The following CDH9 variants were observed in gnomAD, a reference collection of about 807,000 sequenced individuals.
The protein encoded by CDH9 is cadherin 9.
Under a neutral mutation model 70.9 loss-of-function variants are expected in CDH9, and 28 were observed. That is an observed-to-expected ratio of 0.40 (90% confidence interval 0.29 to 0.54). The LOEUF is 0.54. CDH9 is among the 20% of genes least tolerant of loss of function. CDH9 has a pLI of 0.59. For missense variants in CDH9, 874 were observed against 984.4 expected (o/e 0.89, Z 1.50); for synonymous variants, 409 against 343.1 (o/e 1.19, Z -2.12).
At chr5:27,010,458 A>G (rs1160871232) in intron 1 of CDH9, among the ~76,000 whole-genome samples, 1 of 152,076 alleles carries the variant, frequency 6.6e-6, no homozygotes, top group East Asian at 1.9e-4. Context: ...CATCTCCATT[A>G]CTTTACATCT....
intron 2 of CDH9, among the ~76,000 whole-genome samples, chr5:26,979,172 A>G (rs2112082030): frequency 6.6e-6 from 1 of 151,844 alleles, no homozygotes; most frequent in Admixed American, 6.6e-5. Context: ...TTAACAATGC[A>G]TTATGCAGTT....
chr5:26,973,710 T>G (rs1742259310), intron 2 of CDH9, among the ~76,000 whole-genome samples: 1 of 152,170 alleles, frequency 6.6e-6, no homozygotes. Flanking sequence ...TGAATGGATT[T>G]CCTTTCTTTT....
chr5:26,980,293 T>C (rs974025348), intron 2 of CDH9, among the ~76,000 whole-genome samples: 9 of 151,940 alleles, frequency 5.9e-5, no homozygotes, highest in African/African-American at 2.2e-4. Context: ...TTCATTATTA[T>C]TGAACACTTT....
chr5:26,924,345 T>C (rs1480763074), intron 2 of CDH9, among the ~76,000 whole-genome samples: 3 of 150,662 alleles, frequency 2.0e-5, no homozygotes, highest in African/African-American at 4.9e-5. Context: ...GATTGGACCA[T>C]GAAGAAATCC....
intron 2 of CDH9, among the ~76,000 whole-genome samples, chr5:26,986,906 T>C (rs1009491432): frequency 4.1e-4 from 63 of 151,866 alleles, no homozygotes; most frequent in African/African-American, 1.4e-3. Context: ...GCATGACCTA[T>C]GGAACCAGAA....
At chr5:27,008,316 C>A (rs1224882399) in intron 1 of CDH9, among the ~76,000 whole-genome samples, 1 of 151,842 alleles carries the variant, frequency 6.6e-6, no homozygotes, top group Admixed American at 6.6e-5. Flanking sequence ...ATGATGAAAC[C>A]CCATCTCCAC....
intron 8 of CDH9, 93 bp from the exon 9 acceptor site, chr5:26,890,050 G>T (rs1414808612): frequency 1.7e-6 from 2 of 1,176,638 alleles, no homozygotes; most frequent in African/African-American, 1.6e-5. Flanking sequence ...GATCCTTTTT[G>T]TGGTGTTCAC....
At chr5:27,024,575 C>G (rs1161005903) in intron 1 of CDH9, among the ~76,000 whole-genome samples, 3 of 152,026 alleles carry the variant, frequency 2.0e-5, no homozygotes, top group Admixed American at 2.0e-4. Flanking sequence ...TAGAAACTGA[C>G]AGTTTGAGTA....
chr5:26,882,850 A>G (rs1015348176), intron 11 of CDH9, among the ~76,000 whole-genome samples: 2 of 151,384 alleles, frequency 1.3e-5, no homozygotes, highest in Non-Finnish European at 1.5e-5. Context: ...CATTGAGACT[A>G]CACTTCAACA....
chr5:26,979,179 A>G (rs1452497889), intron 2 of CDH9, among the ~76,000 whole-genome samples: 1 of 151,706 alleles, frequency 6.6e-6, no homozygotes, highest in Non-Finnish European at 1.5e-5. Context: ...TGCATTATGC[A>G]GTTTACAATA....
At chr5:26,962,457 A>G (rs1473266828) in intron 2 of CDH9, among the ~76,000 whole-genome samples, 1 of 152,130 alleles carries the variant, frequency 6.6e-6, no homozygotes, top group Non-Finnish European at 1.5e-5. Flanking sequence ...AAGCATTCCT[A>G]TTTCTCCACA....
chr5:26,902,756 T>A, intron 6 of CDH9, 27 bp from the exon 7 acceptor site: 1 of 1,362,742 alleles, frequency 7.3e-7, no homozygotes, highest in Non-Finnish European at 1.0e-6. Flanking sequence ...TAAAAGAAAT[T>A]AGCATAATTC....
intron 1 of CDH9, among the ~76,000 whole-genome samples, chr5:26,999,277 T>C (rs767257990): frequency 2.6e-5 from 4 of 151,832 alleles, no homozygotes; most frequent in Admixed American, 1.3e-4. Context: ...GAAAAATAAA[T>C]ATACATGAGC....
rs1312005235 is a variant in CDH9 at position 26,915,793 on chromosome 5, T to C, written c.360A>G (p.Glu120=). The change falls in exon 3 of 12, where the codon GAA becomes GAG. Residue 120 remains glutamate (E), a synonymous_variant. Transcript: ENST00000231021. ...TGGCACGAAGAATGTACAGAGATTT[T>C]TCTTCTCTGTCTAGTTTCTTTGCAG... is the stretch of plus-strand genomic sequence containing the variant. ...IHAAKKLDRE[E]KSLYILRAKA... The C allele has an allele frequency of 1.2e-6, 2 of 1,613,654 alleles. No individual in the cohort carries two copies. The highest frequency in any genetic ancestry group is 1.7e-6 in the Non-Finnish European group (2 of 1,179,606).
intron 7 of CDH9, 48 bp downstream of exon 7, chr5:26,902,428 A>T (rs1205552239): frequency 1.6e-6 from 2 of 1,281,694 alleles, no homozygotes; most frequent in South Asian, 2.6e-5. Context: ...GTAAATAGTG[A>T]GATTATTATA....
At chr5:26,911,612 C>T (rs925305425) in intron 3 of CDH9, among the ~76,000 whole-genome samples, 6 of 151,032 alleles carry the variant, frequency 4.0e-5, no homozygotes, top group African/African-American at 7.3e-5. Flanking sequence ...TAGGTGAAGA[C>T]GAAAGCATGC....
At chr5:26,936,255 T>A (rs74821850) in intron 2 of CDH9, among the ~76,000 whole-genome samples, 14,570 of 152,138 alleles carry the variant, frequency 0.096, 879 homozygotes, top group East Asian at 0.17. Flanking sequence ...TAAAAATTTT[T>A]AAAATATACA....
chr5:26,885,125 A>C (rs1194877486), intron 11 of CDH9, among the ~76,000 whole-genome samples: 2 of 152,186 alleles, frequency 1.3e-5, no homozygotes, highest in Non-Finnish European at 2.9e-5. Flanking sequence ...GTTAACAGTT[A>C]GTAACTATAA....
chr5:27,034,258 C>A (rs1280221185), intron 1 of CDH9, among the ~76,000 whole-genome samples: 1 of 151,558 alleles, frequency 6.6e-6, no homozygotes, highest in Non-Finnish European at 1.5e-5. Context: ...AAAATGAAGT[C>A]ATCTATGCTC....
Sources: allele counts gnomAD v4.1 joint callset (sites outside exome capture counted in the v4.1 genomes callset), GRCh38; gene constraint gnomAD v4.1.1; transcripts MANE v1.5; gene names NCBI Gene and HGNC (gene_info 2026-07-23, HGNC 2026-07-21).